RAB3GAP1: variants seen among roughly 807,000 people sequenced by gnomAD.
RAB3GAP1 encodes RAB3 GTPase activating protein catalytic subunit 1.
In RAB3GAP1, 86 loss-of-function variants were observed where a neutral mutation model predicts 130.7. The ratio of observed to expected loss-of-function variants is 0.66; its 90% confidence interval spans 0.55 to 0.79. The LOEUF (loss-of-function observed/expected upper bound fraction) is 0.79. RAB3GAP1 is among the 30% of genes least tolerant of loss of function. The pLI is 0.00. For missense variants in RAB3GAP1, 1,029 were observed against 1,169.4 expected (o/e 0.88, Z 1.75); for synonymous variants, 367 against 401.7 (o/e 0.91, Z 1.03).
chr2:135,083,767 GTTTTTTTT>G (rs34087354), intron 3 of RAB3GAP1, among the ~76,000 whole-genome samples: 4 of 98,266 alleles, frequency 4.1e-5, no homozygotes, highest in South Asian at 7.5e-4. Context: ...ACCCAACACG[GTTTTTTTT>G]TTTTTTTTTT....
At chr2:135,165,039 G>A (rs888664380) in intron 23 of RAB3GAP1, 88 of 420,842 alleles carry the variant, frequency 2.1e-4, no homozygotes, top group Non-Finnish European at 3.8e-4. Flanking sequence ...AAATGAGAAT[G>A]GAGTTCAGTT....
chr2:135,093,234 A>G (rs1348806666), intron 4 of RAB3GAP1, among the ~76,000 whole-genome samples: 1 of 152,200 alleles, frequency 6.6e-6, no homozygotes, highest in Non-Finnish European at 1.5e-5. Flanking sequence ...GGGGCCTAAA[A>G]AGGCTTGCTA....
intron 3 of RAB3GAP1, among the ~76,000 whole-genome samples, chr2:135,073,880 C>T (rs924736441): frequency 1.3e-5 from 2 of 152,066 alleles, no homozygotes; most frequent in Admixed American, 1.3e-4. Context: ...ATGATGGGAC[C>T]GTAAAAAACG....
chr2:135,131,120 G>T (rs886454509), intron 13 of RAB3GAP1, among the ~76,000 whole-genome samples: 1 of 152,232 alleles, frequency 6.6e-6, no homozygotes, highest in Admixed American at 6.5e-5. Context: ...CATGACCAGG[G>T]TTGAGGCTGG....
rs766787106 is a variant in RAB3GAP1 at position 135,133,981 on chromosome 2, G to T, written c.1447G>T (p.Glu483Ter). ...GAAAGGAGTGGCACACCTCTGGCAG[G>T]AATTTGTTCTTGAAATGCGTTTCCG... ...GLKGVAHLWQEFVLEMRFRWE... is the reference protein window; with the variant it reads ...GLKGVAHLWQ The change falls in exon 15 of 24, where the codon GAA becomes TAA. Residue 483 changes from glutamate (E) to a stop codon, truncating the protein, a stop_gained. Transcript: ENST00000264158. LOFTEE classifies it high-confidence loss of function. 2 of 1,613,928 alleles carry T rather than the reference G, an allele frequency of 1.2e-6. No homozygotes were observed. The highest frequency in any genetic ancestry group is 1.7e-6 in the Non-Finnish European group (2 of 1,179,838).
chr2:135,081,280 CT>C (rs1689789613), intron 3 of RAB3GAP1, among the ~76,000 whole-genome samples: 1 of 114,034 alleles, frequency 8.8e-6, no homozygotes, highest in African/African-American at 3.5e-5. Flanking sequence ...GCACTCCAGC[CT>C]GGGTGACAGA....
chr2:135,117,348 T>TTCAATTATA (rs1388418357), intron 7 of RAB3GAP1, among the ~76,000 whole-genome samples: 2 of 152,196 alleles, frequency 1.3e-5, no homozygotes, highest in African/African-American at 4.8e-5. Flanking sequence ...ACCAGAAGTC[T>TTCAATTATA]TCAATTATAT....
rs1210067673 is a variant in RAB3GAP1, at chr2:135,168,926, TC to T, written c.*148del. On this transcript the variant is annotated 3_prime_UTR_variant, in exon 24 of 24. Coordinates refer to ENST00000264158, the MANE Select transcript of RAB3GAP1 (RefSeq NM_012233.3). ...GAATCAAACCAGCATCGGAAAGACT[TC>T]CCAGCACCAAGCTTGAGCTGTGTCG... 8.0e-6 allele frequency: 6 copies of T among 754,102 alleles called. No homozygotes were observed. Among genetic ancestry groups the T allele is most frequent in the Non-Finnish European group, 1.2e-5 (5 of 427,664 alleles). The allele number at this position is 754,102 out of a possible 1,614,324, so 46.7% of individuals were successfully genotyped here.
chr2:135,156,878 TAAAAC>T (rs1162579248), intron 19 of RAB3GAP1, among the ~76,000 whole-genome samples: 3 of 152,094 alleles, frequency 2.0e-5, no homozygotes, highest in African/African-American at 7.2e-5. Flanking sequence ...AAGTCAATGT[TAAAAC>T]TAATAAAAAC....
At chr2:135,129,381 G>A (rs1285748154) in intron 11 of RAB3GAP1, among the ~76,000 whole-genome samples, 1 of 151,522 alleles carries the variant, frequency 6.6e-6, no homozygotes, top group African/African-American at 2.4e-5. Context: ...GAACCTGGGA[G>A]GTGGAGCTTG....
At chr2:135,081,513 A>G (rs991923524) in intron 3 of RAB3GAP1, among the ~76,000 whole-genome samples, 11 of 150,846 alleles carry the variant, frequency 7.3e-5, no homozygotes, top group African/African-American at 2.7e-4. Context: ...GTTCTTCCAC[A>G]CTTTTGCTGT....
chr2:135,168,919 A>C lies in RAB3GAP1; in HGVS notation c.*138A>C, dbSNP rs1692752577. The C allele has an allele frequency of 2.5e-5, 20 of 800,130 alleles. No homozygotes were observed. The South Asian group carries it at 2.8e-4, about 11-fold the overall frequency. 49.6% of individuals were successfully genotyped at this position (800,130 alleles called of 1,614,324 possible). A position where few individuals can be genotyped will look rare whatever the true frequency, so the allele number is the denominator to read the frequency against. On this transcript the variant is annotated 3_prime_UTR_variant, in exon 24 of 24. Transcript: ENST00000264158. The stretch of plus-strand genomic sequence containing the variant: ...TGATCAGGAATCAAACCAGCATCGG[A>C]AAGACTTCCCAGCACCAAGCTTGAG...
chr2:135,079,884 C>G (rs1285099926), intron 3 of RAB3GAP1, among the ~76,000 whole-genome samples: 1 of 152,154 alleles, frequency 6.6e-6, no homozygotes, highest in Admixed American at 6.5e-5. Flanking sequence ...AATCCCAGCA[C>G]TTTGGGAGGC....
At chr2:135,097,598 A>G (rs1241263656) in intron 5 of RAB3GAP1, among the ~76,000 whole-genome samples, 1 of 152,188 alleles carries the variant, frequency 6.6e-6, no homozygotes, top group Non-Finnish European at 1.5e-5. Context: ...TGAGAGTGTC[A>G]TATAAATAGA....
intron 3 of RAB3GAP1, among the ~76,000 whole-genome samples, chr2:135,076,899 C>A (rs1689647159): frequency 6.6e-6 from 1 of 152,310 alleles, no homozygotes; most frequent in South Asian, 2.1e-4. Flanking sequence ...AAGGTTCATT[C>A]ATGTTGTAAC....
At chr2:135,107,975 C>CAAAAAAAAAAAAAAAAAA (rs59782185) in intron 5 of RAB3GAP1, among the ~76,000 whole-genome samples, 1 of 51,952 alleles carries the variant, frequency 1.9e-5, no homozygotes, top group East Asian at 5.2e-4. Context: ...AACTCCATCT[C>CAAAAAAAAAAAAAAAAAA]AAAAAAAAAA....
Position 135,052,337 on chromosome 2 carries a change from G to T in RAB3GAP1, c.18+12G>T. ...CTGCCGACAGTGAGGTGATTTCTTT[G>T]CTCCCTACTTAATCCTTGTCACTAT... On this transcript the variant is annotated intron_variant, in intron 1 of 23. Coordinates refer to ENST00000264158, the MANE Select transcript of RAB3GAP1 (RefSeq NM_012233.3). 6.2e-7 allele frequency: 1 copy of T among 1,614,094 alleles called. No individual in the cohort carries two copies. Among genetic ancestry groups the T allele is most frequent in the African/African-American group, 1.3e-5 (1 of 75,052 alleles).
chr2:135,170,398 T>C lies in RAB3GAP1; in HGVS notation c.*1617T>C, dbSNP rs140483004. 1.6e-4 allele frequency: 25 copies of C among 152,352 alleles called. No homozygotes were observed. The highest frequency in any genetic ancestry group is 5.8e-4 in the African/African-American group (24 of 41,590). The allele number at this position is 152,352 out of a possible 1,614,324, so 9.4% of individuals were successfully genotyped here. A position where few individuals can be genotyped will look rare whatever the true frequency, so the allele number is the denominator to read the frequency against. ...CAGCCTGCTGAGCCTAACAAGGCAGTGGTCTCAAGAACATTCTTTGTGCCT... is the reference window on the plus strand; with the variant it reads ...CAGCCTGCTGAGCCTAACAAGGCAGCGGTCTCAAGAACATTCTTTGTGCCT... On this transcript the variant is annotated 3_prime_UTR_variant, in exon 24 of 24. Coordinates refer to ENST00000264158, the MANE Select transcript of RAB3GAP1 (RefSeq NM_012233.3).
chr2:135,070,322 CAT>C (rs904220308), intron 3 of RAB3GAP1, among the ~76,000 whole-genome samples: 2 of 152,164 alleles, frequency 1.3e-5, no homozygotes, highest in African/African-American at 4.8e-5. Flanking sequence ...TTTAGGTCAA[CAT>C]GTGTAACTAA....
Sources: allele counts gnomAD v4.1 joint callset (sites outside exome capture counted in the v4.1 genomes callset), GRCh38; gene constraint gnomAD v4.1.1; transcripts MANE v1.5; gene names NCBI Gene and HGNC (gene_info 2026-07-23, HGNC 2026-07-21).